EDIL3: variants seen among roughly 807,000 people sequenced by gnomAD.
The protein encoded by EDIL3 is EGF-like repeat and discoidin I-like domain-containing protein 3.
A neutral mutation model predicts 67.4 loss-of-function variants in EDIL3; 37 were observed. The observed-to-expected ratio is 0.55, with a 90% CI of 0.42 to 0.72. The LOEUF (loss-of-function observed/expected upper bound fraction) is 0.72, where lower values mean the gene tolerates loss of function less well. Ranked by LOEUF, EDIL3 falls within the 30% of genes least tolerant of loss-of-function variation. The probability of loss-of-function intolerance (pLI) is 0.00; values close to 1 mark genes in which losing one functional copy is unlikely to be tolerated. For missense variants in EDIL3, 527 were observed against 586.3 expected (o/e 0.90, Z 1.04); for synonymous variants, 195 against 196.3 (o/e 0.99, Z 0.05).
intron 1 of EDIL3, among the ~76,000 whole-genome samples, chr5:84,304,134 T>C (rs1302822932): frequency 2.6e-5 from 4 of 152,180 alleles, no homozygotes; most frequent in Admixed American, 6.5e-5. Flanking sequence ...TATATGAAGA[T>C]ACAGAAGTAG....
intron 9 of EDIL3, among the ~76,000 whole-genome samples, chr5:84,049,472 T>G (rs1428764519): frequency 6.6e-6 from 1 of 152,216 alleles, no homozygotes; most frequent in African/African-American, 2.4e-5. Flanking sequence ...TTCTGACTTC[T>G]TTGTTTGGAA....
intron 1 of EDIL3, among the ~76,000 whole-genome samples, chr5:84,257,783 C>A (rs1019021359): frequency 1.3e-5 from 2 of 152,024 alleles, no homozygotes; most frequent in African/African-American, 4.8e-5. Flanking sequence ...AAGGTTAATA[C>A]TATATTTCAC....
intron 6 of EDIL3, among the ~76,000 whole-genome samples, chr5:84,095,686 A>T (rs535216407): frequency 7.9e-5 from 12 of 152,354 alleles, no homozygotes; most frequent in South Asian, 4.1e-4. Flanking sequence ...GAAGCAAAGC[A>T]TAAAAGTTTG....
intron 1 of EDIL3, among the ~76,000 whole-genome samples, chr5:84,355,052 C>T (rs1189709956): frequency 2.0e-5 from 3 of 152,168 alleles, no homozygotes; most frequent in African/African-American, 7.2e-5. Context: ...TAGGGAAGAT[C>T]TCCTGGATAA....
At chr5:84,081,579 A>T (rs935186298) in intron 6 of EDIL3, among the ~76,000 whole-genome samples, 2 of 152,212 alleles carry the variant, frequency 1.3e-5, no homozygotes, top group South Asian at 4.1e-4. Context: ...GCACAATCTC[A>T]GGGGCAGTAA....
Position 84,106,288 on chromosome 5 carries a change from T to C in EDIL3, c.651+361A>G, listed in dbSNP as rs150674284. ...CATTTGTGGACCCACTTCTTAGAGA[T>C]AGAAAACATTGATATAATTTTTATG... On this transcript the variant is annotated intron_variant, in intron 6 of 10. Transcript: ENST00000296591. Among the ~76,000 whole-genome samples the C allele has an allele frequency of 7.8e-3, 1,180 of 152,170 alleles. 19 individuals are homozygous for C. The highest frequency in any genetic ancestry group is 0.026 in the African/African-American group (1,098 of 41,544).
chr5:84,174,230 G>A (rs1037036771), intron 4 of EDIL3, among the ~76,000 whole-genome samples: 3 of 152,196 alleles, frequency 2.0e-5, no homozygotes, highest in Non-Finnish European at 2.9e-5. Flanking sequence ...CCTGCAGAGA[G>A]ATGGCAAGGG....
chr5:84,103,716 A>C (rs188017838), intron 6 of EDIL3, among the ~76,000 whole-genome samples: 2 of 152,076 alleles, frequency 1.3e-5, no homozygotes, highest in Non-Finnish European at 2.9e-5. Context: ...GTAAAATAAT[A>C]ATAGATGCTG....
chr5:84,234,105 T>C (rs1348307901), intron 2 of EDIL3, among the ~76,000 whole-genome samples: 1 of 152,184 alleles, frequency 6.6e-6, no homozygotes, highest in Non-Finnish European at 1.5e-5. Context: ...TTTAAAAATA[T>C]TAGAATGCAT....
At chr5:84,001,658 A>G (rs928079430) in intron 9 of EDIL3, among the ~76,000 whole-genome samples, 1 of 152,172 alleles carries the variant, frequency 6.6e-6, no homozygotes, top group East Asian at 1.9e-4. Context: ...GACCATTAAT[A>G]TCAACTATAT....
At chr5:83,999,709 TAGG>T (rs1369555892) in intron 9 of EDIL3, among the ~76,000 whole-genome samples, 1 of 152,084 alleles carries the variant, frequency 6.6e-6, no homozygotes, top group Non-Finnish European at 1.5e-5. Flanking sequence ...GTAAAGGAGA[TAGG>T]AGTAGAAAGT....
intron 9 of EDIL3, among the ~76,000 whole-genome samples, chr5:84,031,972 TGTTCTC>T (rs1220626573): frequency 3.3e-5 from 5 of 152,314 alleles, no homozygotes; most frequent in African/African-American, 1.2e-4. Context: ...AAAGCATACT[TGTTCTC>T]GAGACAGGAC....
At chr5:84,049,137 A>C (rs2112222153) in intron 9 of EDIL3, among the ~76,000 whole-genome samples, 2 of 152,304 alleles carry the variant, frequency 1.3e-5, no homozygotes, top group Middle Eastern at 6.8e-3. Flanking sequence ...AAGCTGAAAA[A>C]TCTGATGCTA....
intron 5 of EDIL3, among the ~76,000 whole-genome samples, chr5:84,123,909 C>T (rs951557801): frequency 6.6e-6 from 1 of 151,900 alleles, no homozygotes; most frequent in Non-Finnish European, 1.5e-5. Context: ...CAGTTTTCTA[C>T]TATTTTTTCT....
chr5:84,350,022 G>C (rs1424137937), intron 1 of EDIL3, among the ~76,000 whole-genome samples: 2 of 152,016 alleles, frequency 1.3e-5, no homozygotes, highest in Non-Finnish European at 2.9e-5. Context: ...AGAGAGGCTA[G>C]GTAAGTAATT....
At chr5:84,379,793 AAACT>A (rs1748038725) in intron 1 of EDIL3, among the ~76,000 whole-genome samples, 1 of 152,116 alleles carries the variant, frequency 6.6e-6, no homozygotes, top group African/African-American at 2.4e-5. Context: ...GAAGCAATGA[AAACT>A]AACTAATAAC....
Position 84,030,390 on chromosome 5 carries a change from C to T in EDIL3, c.1137+29910G>A, listed in dbSNP as rs115715024. On this transcript the variant is annotated intron_variant, in intron 9 of 10. Transcript: ENST00000296591. ...AACCTTGTAACCTTTACTTCACAAA[C>T]GTTAAACATGAGGTTAAATGGTGTT... 5.9e-3 allele frequency among the ~76,000 whole-genome samples: 894 copies of T among 152,098 alleles called. 12 individuals carry two copies. Among genetic ancestry groups the T allele is most frequent in the African/African-American group, 0.021 (859 of 41,522 alleles).
intron 9 of EDIL3, among the ~76,000 whole-genome samples, chr5:84,036,222 C>T (rs111290983): frequency 4.6e-5 from 7 of 152,192 alleles, no homozygotes; most frequent in African/African-American, 1.2e-4. Flanking sequence ...ATGGCATGTC[C>T]GGTTCTTGGG....
At chr5:84,112,186 T>C (rs1357699010) in intron 5 of EDIL3, among the ~76,000 whole-genome samples, 1 of 152,174 alleles carries the variant, frequency 6.6e-6, no homozygotes, top group Admixed American at 6.5e-5. Flanking sequence ...TATGGCCACA[T>C]TTTCATTTAA....
Sources: allele counts gnomAD v4.1 joint callset (sites outside exome capture counted in the v4.1 genomes callset), GRCh38; gene constraint gnomAD v4.1.1; transcripts MANE v1.5; gene names NCBI Gene and HGNC (gene_info 2026-07-23, HGNC 2026-07-21).